EIF3H: variants seen among roughly 807,000 people sequenced by gnomAD.
The protein encoded by EIF3H is eukaryotic translation initiation factor 3 subunit H.
A neutral mutation model predicts 44.2 loss-of-function variants in EIF3H; 26 were observed. The ratio of observed to expected loss-of-function variants is 0.59; its 90% CI spans 0.43 to 0.82. The LOEUF is 0.82. Ranked by LOEUF, EIF3H falls within the 40% of genes least tolerant of loss-of-function variation. EIF3H has a pLI of 0.00. For missense variants in EIF3H, 359 were observed against 432.8 expected, an observed-to-expected ratio of 0.83 and a Z score of 1.51; for synonymous variants, 166 against 151.9, an observed-to-expected ratio of 1.09 and a Z score of -0.68.
intron 6 of EIF3H, among the ~76,000 whole-genome samples, chr8:116,647,258 C>A (rs1354953751): frequency 6.6e-6 from 1 of 152,038 alleles, no homozygotes; most frequent in Admixed American, 6.6e-5. Context: ...CCCACCACCA[C>A]ACCCGGCTAA....
intron 6 of EIF3H, among the ~76,000 whole-genome samples, chr8:116,647,082 TTTC>T (rs1372108562): frequency 6.6e-6 from 1 of 152,088 alleles, no homozygotes; most frequent in Non-Finnish European, 1.5e-5. Context: ...TACGGCTTTT[TTTC>T]TTTTCTTTTC....
chr8:116,684,010 C>T (rs1282368330), intron 2 of EIF3H, among the ~76,000 whole-genome samples: 1 of 152,152 alleles, frequency 6.6e-6, no homozygotes, highest in African/African-American at 2.4e-5. Context: ...CCCCATTTGA[C>T]AGGTGAGGAA....
intron 2 of EIF3H, among the ~76,000 whole-genome samples, chr8:116,693,110 CTAAG>C (rs1814207485): frequency 1.3e-5 from 2 of 152,062 alleles, no homozygotes; most frequent in South Asian, 2.1e-4. Context: ...TTCCTGAACC[CTAAG>C]TAAGTTTTTC....
chr8:116,746,812 C>T (rs1815246054), intron 1 of EIF3H, among the ~76,000 whole-genome samples: 1 of 152,184 alleles, frequency 6.6e-6, no homozygotes, highest in Non-Finnish European at 1.5e-5. Context: ...ATTTAATCCT[C>T]ACTCACAAAT....
At chr8:116,668,835 A>G (rs1229543749) in intron 2 of EIF3H, among the ~76,000 whole-genome samples, 1 of 152,158 alleles carries the variant, frequency 6.6e-6, no homozygotes, top group Non-Finnish European at 1.5e-5. Flanking sequence ...AAACCTCAGG[A>G]AGAGCTCAAA....
chr8:116,648,702 C>T (rs543640261), intron 6 of EIF3H, 104 bp downstream of exon 6: 63 of 1,357,386 alleles, frequency 4.6e-5, no homozygotes, highest in Middle Eastern at 2.6e-4. Context: ...GAGTAGCTAA[C>T]GGTCAATAAT....
rs16888613 is a variant in EIF3H at position 116,644,502 on chromosome 8, G to A, written c.*504C>T. Reference sequence around the variant, plus strand: ...CAGACTGACCGGAATTAGGCCAAGTGATTCCGGGTCCGGGGACAAGGAATT... The same window carrying A: ...CAGACTGACCGGAATTAGGCCAAGTAATTCCGGGTCCGGGGACAAGGAATT... On this transcript the variant is annotated 3_prime_UTR_variant, in exon 8 of 8. Transcript: ENST00000521861. 0.064 allele frequency: 9,834 copies of A among 154,404 alleles called. 410 individuals carry two copies. Among genetic ancestry groups the A allele is most frequent in the African/African-American group, 0.11 (4,662 of 41,548 alleles). 9.6% of individuals were successfully genotyped at this position (154,404 alleles called of 1,614,324 possible).
At chr8:116,759,308 G>T (rs987289053), upstream of EIF3H, among the ~76,000 whole-genome samples, 1 of 152,190 alleles carries the variant, frequency 6.6e-6, no homozygotes, top group East Asian at 1.9e-4. Flanking sequence ...AGCTGTGGGC[G>T]CTGCCCATGT....
chr8:116,646,276 G>A (rs1036864880), intron 7 of EIF3H, among the ~76,000 whole-genome samples, 195 bp downstream of exon 7: 4 of 152,142 alleles, frequency 2.6e-5, no homozygotes, highest in African/African-American at 9.7e-5. Context: ...AGCACTGAAA[G>A]GACCTGGACA....
chr8:116,673,311 T>TA (rs1402883044), intron 2 of EIF3H, among the ~76,000 whole-genome samples: 2 of 152,190 alleles, frequency 1.3e-5, no homozygotes, highest in Non-Finnish European at 2.9e-5. Flanking sequence ...ACACTATATC[T>TA]AAAAATTAAT....
intron 5 of EIF3H, among the ~76,000 whole-genome samples, chr8:116,652,167 C>T (rs1813405265): frequency 6.6e-6 from 1 of 152,170 alleles, no homozygotes; most frequent in African/African-American, 2.4e-5. Context: ...TATAGTTTCA[C>T]AGGCTCCTAG....
upstream of EIF3H, among the ~76,000 whole-genome samples, chr8:116,756,497 G>T (rs545702916): frequency 5.3e-4 from 81 of 152,274 alleles, 1 homozygote; most frequent in South Asian, 8.7e-3. Flanking sequence ...GTCCTTAAAA[G>T]AATATATGAC....
At chr8:116,738,572 T>A (rs945694597) in intron 1 of EIF3H, among the ~76,000 whole-genome samples, 1 of 152,154 alleles carries the variant, frequency 6.6e-6, no homozygotes, top group African/African-American at 2.4e-5. Context: ...AAGAGAAGCC[T>A]AACTTATGCT....
In EIF3H at chr8:116,755,810, A is replaced by T; in HGVS notation, c.-13T>A. 1 of 1,612,406 alleles carries T rather than the reference A, an allele frequency of 6.2e-7. No homozygotes were observed. ...TGCGGGACGCCATCTTTCCAAGCAG[A>T]CAGGAAGAAAGAGAAACGTGAGTTA... On this transcript the variant is annotated 5_prime_UTR_variant, in exon 1 of 8. Coordinates refer to ENST00000521861, the MANE Select transcript of EIF3H (RefSeq NM_003756.3).
At chr8:116,673,930 C>T (rs987926692) in intron 2 of EIF3H, among the ~76,000 whole-genome samples, 3 of 151,600 alleles carry the variant, frequency 2.0e-5, no homozygotes, top group East Asian at 3.9e-4. Context: ...ATTAGCTGGG[C>T]GTGGTGGTGG....
chr8:116,660,525 T>G (rs973998180), intron 2 of EIF3H, among the ~76,000 whole-genome samples: 1 of 152,212 alleles, frequency 6.6e-6, no homozygotes, highest in Admixed American at 6.5e-5. Flanking sequence ...GCGTGTTTTT[T>G]GAGATTTTTT....
chr8:116,735,923 GT>G (rs1815030206), intron 1 of EIF3H, among the ~76,000 whole-genome samples: 1 of 152,136 alleles, frequency 6.6e-6, no homozygotes, highest in Non-Finnish European at 1.5e-5. Context: ...ATGAAGTCAG[GT>G]GTGGAATTTT....
chr8:116,734,739 T>C (rs1480133511), intron 1 of EIF3H, among the ~76,000 whole-genome samples: 1 of 152,132 alleles, frequency 6.6e-6, no homozygotes, highest in Non-Finnish European at 1.5e-5. Context: ...TCTGTATTTC[T>C]AGTGGAGACA....
At chr8:116,692,546 T>C (rs1461340376) in intron 2 of EIF3H, among the ~76,000 whole-genome samples, 1 of 152,174 alleles carries the variant, frequency 6.6e-6, no homozygotes, top group Non-Finnish European at 1.5e-5. Flanking sequence ...GCAAAACATT[T>C]AGAGAGTGCT....
Sources: gnomAD v4.1 joint callset for allele counts (sites outside exome capture counted in the v4.1 genomes callset) on GRCh38, gnomAD v4.1.1 for gene constraint, MANE v1.5 for transcripts, NCBI Gene and HGNC (gene_info 2026-07-23, HGNC 2026-07-21) for gene names.